The following FNBP4 variants were observed in gnomAD, a reference collection of about 807,000 sequenced individuals.
FNBP4 encodes formin binding protein 4.
FNBP4 carries 34 observed loss-of-function variants against 119.3 expected under a neutral mutation model. The ratio of observed to expected loss-of-function variants is 0.28; its 90% CI spans 0.22 to 0.38. The LOEUF (loss-of-function observed/expected upper bound fraction) is 0.38. Ranked by LOEUF, FNBP4 falls within the 10% of genes least tolerant of loss-of-function variation. The pLI is 1.00. For synonymous variants in FNBP4, 462 were observed against 430.6 expected, an observed-to-expected ratio of 1.07 and a Z score of -0.90; for missense variants, 1,112 against 1,228.9, an observed-to-expected ratio of 0.90 and a Z score of 1.42.
At chr11:47,754,132 C>A (rs7105517) in intron 3 of FNBP4, among the ~76,000 whole-genome samples, 5,444 of 151,770 alleles carry the variant, frequency 0.036, 100 homozygotes, top group Middle Eastern at 0.065. Context: ...CTACTTGAAC[C>A]CAGGAGACAG....
chr11:47,760,778 G>T (rs1296977356), intron 2 of FNBP4, among the ~76,000 whole-genome samples: 2 of 152,048 alleles, frequency 1.3e-5, no homozygotes, highest in Admixed American at 1.3e-4. Context: ...TTGCCAGGCT[G>T]GTCTCGAACT....
intron 8 of FNBP4, chr11:47,743,705 G>C: frequency 2.0e-6 from 1 of 494,184 alleles, no homozygotes; most frequent in Non-Finnish European, 3.6e-6. Flanking sequence ...CGTAGACAGA[G>C]AGAAGAAATG....
intron 7 of FNBP4, 91 bp from the exon 8 acceptor site, chr11:47,744,254 T>C: frequency 8.1e-7 from 1 of 1,234,372 alleles, no homozygotes; most frequent in South Asian, 1.4e-5. Flanking sequence ...TGTTGAAATT[T>C]AAATTCTTTG....
chr11:47,731,822 TC>T lies in FNBP4; in HGVS notation c.1821-262del, dbSNP rs2097567770. On this transcript the variant is annotated intron_variant, in intron 11 of 16. Coordinates refer to ENST00000263773, the MANE Select transcript of FNBP4 (RefSeq NM_015308.5). ...ACAGATGAGACTTAGAAAACACTTT[TC>T]TCTTTTTTTGTGATTTGCCAATGCA... 7 of 1,154,026 alleles carry T rather than the reference TC, an allele frequency of 6.1e-6. No individual in the cohort carries two copies. In the East Asian group the frequency reaches 2.6e-4, roughly 43 times the overall value. 71.5% of individuals were successfully genotyped at this position (1,154,026 alleles called of 1,614,324 possible). A position where few individuals can be genotyped will look rare whatever the true frequency, so the allele number is the denominator to read the frequency against.
At chr11:47,726,169 C>G (rs60282151) in intron 12 of FNBP4, 4 of 152,164 alleles carry the variant, frequency 2.6e-5, no homozygotes, top group Non-Finnish European at 4.4e-5. Flanking sequence ...ATGAAAGACT[C>G]TAGGGCAAGA....
At chr11:47,761,835 T>C (rs565750294) in intron 2 of FNBP4, among the ~76,000 whole-genome samples, 125 of 152,050 alleles carry the variant, frequency 8.2e-4, no homozygotes, top group African/African-American at 3.0e-3. Context: ...ACTCCAAGAA[T>C]TTAATTTCTT....
At chr11:47,748,512 C>T (rs186882479) in intron 6 of FNBP4, among the ~76,000 whole-genome samples, 66 of 152,036 alleles carry the variant, frequency 4.3e-4, no homozygotes, top group Admixed American at 3.9e-3. Flanking sequence ...GTAGCTGGGA[C>T]TACAGGTGTG....
chr11:47,724,791 G>A lies in FNBP4; in HGVS notation c.2009-13C>T. The A allele has an allele frequency of 1.3e-6, 2 of 1,526,538 alleles. No homozygotes were observed. The allele number at this position is 1,526,538 out of a possible 1,614,324, so 94.6% of individuals were successfully genotyped here. On this transcript the variant is annotated splice_polypyrimidine_tract_variant and intron_variant, in intron 12 of 16. Coordinates refer to ENST00000263773, the MANE Select transcript of FNBP4 (RefSeq NM_015308.5). The stretch of plus-strand genomic sequence containing the variant: ...TTACAAAGAGAACCTATGAAAACAG[G>A]TAAGAGTCAGGGAAAAAGCAAGAAA...
chr11:47,738,034 C>T (rs140660777), intron 8 of FNBP4, among the ~76,000 whole-genome samples: 1 of 152,274 alleles, frequency 6.6e-6, no homozygotes, highest in Non-Finnish European at 1.5e-5. Flanking sequence ...TTAGCCACCA[C>T]GCCCGGCATG....
chr11:47,754,421 G>C, intron 3 of FNBP4, 107 bp downstream of exon 3: 1 of 1,034,320 alleles, frequency 9.7e-7, no homozygotes, highest in East Asian at 2.4e-5. Flanking sequence ...GGAGGGAGAG[G>C]GAGAAAGGAG....
chr11:47,734,340 C>T (rs575046672), intron 9 of FNBP4, among the ~76,000 whole-genome samples: 2 of 152,118 alleles, frequency 1.3e-5, no homozygotes, highest in Non-Finnish European at 2.9e-5. Flanking sequence ...TGACAGGAAT[C>T]AAATGCATAT....
At chr11:47,728,680 A>G (rs951243654) in intron 12 of FNBP4, among the ~76,000 whole-genome samples, 3 of 151,278 alleles carry the variant, frequency 2.0e-5, no homozygotes, top group African/African-American at 7.3e-5. Flanking sequence ...AGGACCACAT[A>G]CTCGTGCTAC....
intron 3 of FNBP4, among the ~76,000 whole-genome samples, chr11:47,753,338 C>T (rs2097608221): frequency 6.6e-6 from 1 of 152,014 alleles, no homozygotes; most frequent in East Asian, 1.9e-4. Context: ...AGGCTGGGCA[C>T]GGTGGCTCAC....
chr11:47,736,755 T>C lies in FNBP4; in HGVS notation c.1457-15A>G, dbSNP rs79747915. On this transcript the variant is annotated splice_polypyrimidine_tract_variant and intron_variant, in intron 8 of 16. Coordinates refer to ENST00000263773, the MANE Select transcript of FNBP4 (RefSeq NM_015308.5). The stretch of plus-strand genomic sequence containing the variant: ...AGCACCAATTGCTGTAAAAAAAACA[T>C]GTAAAATTAAACCAAAGTACCAATA... 7.4e-4 allele frequency: 1,178 copies of C among 1,587,432 alleles called. 4 individuals are homozygous for C. In the African/African-American group the frequency reaches 0.015, roughly 20 times the overall value.
At chr11:47,743,756 C>T in intron 8 of FNBP4, 197 bp downstream of exon 8, 1 of 588,020 alleles carries the variant, frequency 1.7e-6, no homozygotes, top group Non-Finnish European at 3.0e-6. Context: ...TGGGTGTCAG[C>T]CTCTCAGGCT....
chr11:47,765,583 C>T (rs192678086), intron 1 of FNBP4, among the ~76,000 whole-genome samples: 27 of 39,872 alleles, frequency 6.8e-4, no homozygotes, highest in African/African-American at 2.4e-3. Context: ...GGGGGGGGGG[C>T]CACTTGAGGT....
At chr11:47,728,494 C>T (rs926981283) in intron 12 of FNBP4, among the ~76,000 whole-genome samples, 1 of 152,100 alleles carries the variant, frequency 6.6e-6, no homozygotes, top group South Asian at 2.1e-4. Flanking sequence ...ATCTGCGCGC[C>T]TTGGCCTCCC....
intron 2 of FNBP4, among the ~76,000 whole-genome samples, chr11:47,759,823 G>A (rs1057067795): frequency 2.6e-5 from 4 of 152,142 alleles, no homozygotes; most frequent in African/African-American, 9.6e-5. Flanking sequence ...CGTGGTGGCA[G>A]GCACCTGCAA....
chr11:47,742,662 C>A (rs1041893688), intron 8 of FNBP4, among the ~76,000 whole-genome samples: 10 of 151,572 alleles, frequency 6.6e-5, no homozygotes, highest in Middle Eastern at 3.4e-3. Flanking sequence ...CTAAGGTGGG[C>A]AGGTCACCTG....
Sources: gnomAD v4.1 joint callset for allele counts (sites outside exome capture counted in the v4.1 genomes callset) on GRCh38, gnomAD v4.1.1 for gene constraint, MANE v1.5 for transcripts, NCBI Gene and HGNC (gene_info 2026-07-23, HGNC 2026-07-21) for gene names.